TVP23C: variants seen among roughly 807,000 people sequenced by gnomAD.
TVP23C encodes the protein trans-golgi network vesicle protein 23 homolog C.
A neutral mutation model predicts 28.7 loss-of-function variants in TVP23C; 19 were observed. The ratio of observed to expected loss-of-function variants is 0.66; its 90% confidence interval spans 0.46 to 0.97. TVP23C has a LOEUF of 0.97. Among genes scored for constraint, TVP23C ranks in the 50% least tolerant of loss-of-function variants. TVP23C has a pLI of 0.00. For synonymous variants in TVP23C, 68 were observed against 81.7 expected (o/e 0.83, Z 0.90); for missense variants, 186 against 241.3 (o/e 0.77, Z 1.52).
At chr17:15,503,328 C>T (rs1344667085) in intron 5 of TVP23C, 4 of 1,404,160 alleles carry the variant, frequency 2.8e-6, no homozygotes, top group Non-Finnish European at 3.7e-6. Context: ...TCGCTTCAGC[C>T]CAGGAAGTCG....
intron 5 of TVP23C, among the ~76,000 whole-genome samples, chr17:15,521,903 G>A (rs1039559166): frequency 3.9e-5 from 6 of 152,116 alleles, no homozygotes; most frequent in Admixed American, 1.3e-4. Context: ...GTGGCCACCC[G>A]GGGCATGCAC....
At chr17:15,504,268 C>T (rs986201392) in intron 5 of TVP23C, among the ~76,000 whole-genome samples, 2 of 152,196 alleles carry the variant, frequency 1.3e-5, no homozygotes, top group African/African-American at 4.8e-5. Flanking sequence ...GTTTCACACC[C>T]TTTCTCCCTC....
At chr17:15,516,872 C>T (rs1982250269) in intron 5 of TVP23C, among the ~76,000 whole-genome samples, 1 of 152,158 alleles carries the variant, frequency 6.6e-6, no homozygotes, top group African/African-American at 2.4e-5. Flanking sequence ...CTACAAGAGA[C>T]TAGAAGATCC....
chr17:15,551,839 T>G (rs1308711974), intron 3 of TVP23C, among the ~76,000 whole-genome samples: 1 of 152,172 alleles, frequency 6.6e-6, no homozygotes, highest in East Asian at 1.9e-4. Flanking sequence ...ACATTGAGAT[T>G]TATAACAATT....
intron 5 of TVP23C, among the ~76,000 whole-genome samples, chr17:15,514,794 G>T (rs567139861): frequency 2.2e-4 from 34 of 152,222 alleles, no homozygotes; most frequent in African/African-American, 7.2e-4. Flanking sequence ...CTACTTACAG[G>T]AAATACACAT....
At chr17:15,548,985 C>T (rs775694585) in intron 3 of TVP23C, among the ~76,000 whole-genome samples, 8 of 152,162 alleles carry the variant, frequency 5.3e-5, no homozygotes, top group Non-Finnish European at 8.8e-5. Flanking sequence ...GTACTGAAAC[C>T]GCAGAAAGCG....
intron 5 of TVP23C, chr17:15,503,298 G>A (rs1197110895): frequency 5.6e-6 from 8 of 1,436,848 alleles, no homozygotes; most frequent in Non-Finnish European, 7.3e-6. Flanking sequence ...CCAGCTACTT[G>A]ACAGGCCGAG....
At chr17:15,545,300 G>C (rs1983593490) in intron 5 of TVP23C, among the ~76,000 whole-genome samples, 1 of 152,150 alleles carries the variant, frequency 6.6e-6, no homozygotes, top group Admixed American at 6.5e-5. Context: ...CCCAAACCAA[G>C]GCACATGGAA....
intron 5 of TVP23C, among the ~76,000 whole-genome samples, chr17:15,527,554 T>C (rs1982779728): frequency 6.6e-6 from 1 of 152,210 alleles, no homozygotes; most frequent in African/African-American, 2.4e-5. Context: ...GAGTGCTTAC[T>C]GTGGGCTTGG....
chr17:15,511,357 C>T (rs1241913181), intron 5 of TVP23C, among the ~76,000 whole-genome samples: 1 of 152,118 alleles, frequency 6.6e-6, no homozygotes, highest in African/African-American at 2.4e-5. Context: ...CCATGTGTCA[C>T]CATAATAAAG....
downstream of TVP23C, among the ~76,000 whole-genome samples, chr17:15,534,725 T>C (rs1983087473): frequency 2.0e-5 from 3 of 151,330 alleles, no homozygotes; most frequent in African/African-American, 7.3e-5. Flanking sequence ...TCCCAGCACT[T>C]TGGGAGGCCA....
At position 15,505,020 on chromosome 17, in the gene TVP23C, G is replaced by C. The variant is rs140040112; in HGVS notation, c.463-1788C>G. ...TTGAGTCAGCATCATGCACAGCCCA[G>C]GCCACACAGACCCACAGTTATATAC... On this transcript the variant is annotated intron_variant, in intron 5 of 5. Coordinates refer to the TVP23C transcript ENST00000225576. 1.4e-3 allele frequency among the ~76,000 whole-genome samples: 217 copies of C among 152,258 alleles called. 2 individuals carry two copies. Among genetic ancestry groups the C allele is most frequent in the African/African-American group, 4.9e-3 (202 of 41,550 alleles).
downstream of TVP23C, among the ~76,000 whole-genome samples, chr17:15,532,833 A>G (rs1182607205): frequency 6.6e-6 from 1 of 152,216 alleles, no homozygotes; most frequent in Admixed American, 6.5e-5. Context: ...AGCATCTACT[A>G]CATTCACTTA....
chr17:15,543,886 A>G (rs1481241109), intron 5 of TVP23C, among the ~76,000 whole-genome samples: 1 of 151,996 alleles, frequency 6.6e-6, no homozygotes, highest in African/African-American at 2.4e-5. Flanking sequence ...AAAATGATCC[A>G]ACATAAACGT....
At chr17:15,515,215 C>T (rs1361475671) in intron 5 of TVP23C, among the ~76,000 whole-genome samples, 1 of 152,144 alleles carries the variant, frequency 6.6e-6, no homozygotes, top group Non-Finnish European at 1.5e-5. Flanking sequence ...AACGTACACT[C>T]CAGAGTCTCC....
Position 15,502,848 on chromosome 17 carries a change from G to T in TVP23C, c.*16C>A, listed in dbSNP as rs1156361279. 1.9e-6 allele frequency: 3 copies of T among 1,556,948 alleles called. No homozygotes were observed. The Admixed American group carries it at 5.5e-5, about 29-fold the overall frequency. ...TCTCTCTCTCCTGCGAGGAGCTTCA[G>T]ATTTGTGGGTTGTTTTTAATGCATT... On this transcript the variant is annotated 3_prime_UTR_variant, in exon 6 of 6. Transcript: ENST00000225576.
At chr17:15,502,653 TG>T in exon 6 of TVP23C, 1 of 826,046 alleles carries the variant, frequency 1.2e-6, no homozygotes, top group Non-Finnish European at 1.7e-6. Context: ...ACCACGCTGC[TG>T]CCTCTCTTCT....
intron 5 of TVP23C, among the ~76,000 whole-genome samples, chr17:15,523,103 G>A (rs568882695): frequency 1.9e-4 from 28 of 148,764 alleles, no homozygotes; most frequent in African/African-American, 5.9e-4. Context: ...TCTGCCTCCC[G>A]GGTTCAAGTG....
chr17:15,558,230 G>A (rs1036772405), intron 1 of TVP23C, among the ~76,000 whole-genome samples: 7 of 144,798 alleles, frequency 4.8e-5, no homozygotes, highest in Admixed American at 3.5e-4. Context: ...AGCGGCCAGG[G>A]AGACTTTTTC....
Sources: gnomAD v4.1 joint callset for allele counts (sites outside exome capture counted in the v4.1 genomes callset) on GRCh38, gnomAD v4.1.1 for gene constraint, MANE v1.5 for transcripts, NCBI Gene and HGNC (gene_info 2026-07-23, HGNC 2026-07-21) for gene names.